The following SPTBN1 variants were observed in gnomAD, a reference collection of about 807,000 sequenced individuals.
SPTBN1 encodes spectrin beta chain, non-erythrocytic 1.
SPTBN1 carries 32 observed loss-of-function variants against 266.4 expected under a neutral mutation model. The ratio of observed to expected loss-of-function variants is 0.12; its 90% CI spans 0.09 to 0.16. The LOEUF (loss-of-function observed/expected upper bound fraction) is 0.16, where lower values mean the gene tolerates loss of function less well. Among genes scored for constraint, SPTBN1 ranks in the 10% least tolerant of loss-of-function variants. SPTBN1 has a pLI of 1.00. For missense variants in SPTBN1, 2,296 were observed against 3,067.1 expected, an observed-to-expected ratio of 0.75 and a Z score of 5.94; for synonymous variants, 1,336 against 1,162.2, an observed-to-expected ratio of 1.15 and a Z score of -3.04.
At chr2:54,575,473 A>AT (rs1259859982) in intron 2 of SPTBN1, among the ~76,000 whole-genome samples, 2 of 152,274 alleles carry the variant, frequency 1.3e-5, no homozygotes. Context: ...ATGCATCTGC[A>AT]TATCTCGAAG....
rs149141003 is a variant in SPTBN1, at chr2:54,557,811, T to G, written c.148+31245T>G. On this transcript the variant is annotated intron_variant, in intron 2 of 35. Transcript: ENST00000356805. The stretch of plus-strand genomic sequence containing the variant: ...TGGCAGCGTAAGTCAGCCGAGATTC[T>G]TCACTGAGCCCGAACTTACACCTCC... The G allele has an allele frequency of 5.1e-5, 50 of 985,408 alleles. No homozygotes were observed. In the East Asian group the frequency reaches 6.8e-4, roughly 13 times the overall value. 61.0% of individuals were successfully genotyped at this position (985,408 alleles called of 1,614,324 possible). A position where few individuals can be genotyped will look rare whatever the true frequency, so the allele number is the denominator to read the frequency against.
intron 17 of SPTBN1, 126 bp downstream of exon 17, chr2:54,632,894 C>T: frequency 9.9e-7 from 1 of 1,011,546 alleles, no homozygotes; most frequent in South Asian, 1.7e-5. Flanking sequence ...GGGTGCCCAG[C>T]AGAAGTTCAT....
chr2:54,657,757 C>T (rs1403778577), intron 29 of SPTBN1, 93 bp from the exon 30 acceptor site: 1 of 1,460,474 alleles, frequency 6.8e-7, no homozygotes, highest in Non-Finnish European at 9.5e-7. Flanking sequence ...TGCAGGTAGC[C>T]ATCACCAGAG....
At chr2:54,580,125 A>G (rs1674784994) in intron 2 of SPTBN1, among the ~76,000 whole-genome samples, 1 of 152,238 alleles carries the variant, frequency 6.6e-6, no homozygotes, top group Non-Finnish European at 1.5e-5. Context: ...GCCAGCACTG[A>G]AAAAATTCAA....
intron 2 of SPTBN1, among the ~76,000 whole-genome samples, chr2:54,537,908 A>C (rs1167879970): frequency 1.3e-5 from 2 of 152,248 alleles, no homozygotes; most frequent in African/African-American, 4.8e-5. Context: ...TGTCTAGAGC[A>C]GTGAACTGGA....
intron 17 of SPTBN1, among the ~76,000 whole-genome samples, chr2:54,633,449 C>CTGTCTG (rs2103957719): frequency 6.6e-6 from 1 of 151,910 alleles, no homozygotes; most frequent in African/African-American, 2.4e-5. Flanking sequence ...GTCTGTCTGT[C>CTGTCTG]TGAAAGATTT....
chr2:54,655,037 C>G, intron 27 of SPTBN1, 33 bp from the exon 28 acceptor site: 1 of 1,578,256 alleles, frequency 6.3e-7, no homozygotes, highest in Non-Finnish European at 8.6e-7. Context: ...AAAGCTTGAT[C>G]TCCTAACGGA....
chr2:54,645,340 C>G lies in SPTBN1; in HGVS notation c.4381C>G (p.Leu1461Val), dbSNP rs1572743871. 6.2e-7 allele frequency: 1 copy of G among 1,614,178 alleles called. No homozygotes were observed. Reference sequence around the variant, plus strand: ...CACCGACGAGGTAGACAGCAAGCGCCTCACCGTGCAGACCAAGTTCATGGA... The same window carrying G: ...CACCGACGAGGTAGACAGCAAGCGCGTCACCGTGCAGACCAAGTTCATGGA... ...KSTDEVDSKRLTVQTKFMELL... is the reference protein window; with the variant it reads ...KSTDEVDSKRVTVQTKFMELL... The change falls in exon 21 of 36, where the codon CTC becomes GTC. Residue 1461 changes from leucine (L) to valine (V), a missense_variant. Leu to Val is a conservative substitution (Grantham distance 32). Around this residue, in one of 12 missense-constraint regions of SPTBN1, gnomAD observed 386 missense variants for 486.1 expected, o/e 0.79. Transcript: ENST00000356805. The surrounding 1 kb of genome is among the most constrained non-coding windows in gnomAD (Gnocchi z 4.3).
At chr2:54,463,295 C>G (rs1317112027) in intron 1 of SPTBN1, among the ~76,000 whole-genome samples, 1 of 152,172 alleles carries the variant, frequency 6.6e-6, no homozygotes, top group African/African-American at 2.4e-5. Flanking sequence ...TGACAATGAG[C>G]ATGTTTGGTG....
Position 54,558,050 on chromosome 2 carries a change from G to C in SPTBN1, c.148+31484G>C. 7 of 985,438 alleles carry C rather than the reference G, an allele frequency of 7.1e-6. No homozygotes were observed. Among genetic ancestry groups the C allele is most frequent in the Non-Finnish European group, 8.4e-6 (7 of 829,926 alleles). The allele number at this position is 985,438 out of a possible 1,614,324, so 61.0% of individuals were successfully genotyped here. On this transcript the variant is annotated intron_variant, in intron 2 of 35. Transcript: ENST00000356805. This position sits in a 1 kb window ranked among gnomAD's most constrained non-coding sequence, Gnocchi z 4.6. ...TCTTCACTCTCCAGGCCGTCCCGTG[G>C]GCGCGCTAGCCTTTTCAAGTGATAG... is the stretch of plus-strand genomic sequence containing the variant.
Position 54,668,424 on chromosome 2 carries a change from C to G in SPTBN1, c.6950C>G (p.Thr2317Ser). The G allele has an allele frequency of 6.2e-7, 1 of 1,614,186 alleles. No homozygotes were observed. ...SSDKHEVSAS[T>S]QSTPASSRAQ... ...GATAAACACGAGGTGTCTGCCAGCA[C>G]CCAGAGCACGCCAGCATCCAGCCGC... Residue 2317 changes from threonine (T) to serine (S), a missense_variant, in exon 36 of 36, where the codon ACC becomes AGC. Transcript: ENST00000356805.
In SPTBN1 at chr2:54,645,840, G is replaced by T; in HGVS notation, c.4495-88G>T. On this transcript the variant is annotated intron_variant, in intron 21 of 35. Transcript: ENST00000356805. This position sits in a 1 kb window ranked among gnomAD's most constrained non-coding sequence, Gnocchi z 4.3. ...TGAGCACTCTCTGAAGCTCACCCTT[G>T]CTGTCCCTCACTGCCCCTCACTGCT... 1 of 1,423,756 alleles carries T rather than the reference G, an allele frequency of 7.0e-7. No homozygotes were observed. Among genetic ancestry groups the T allele is most frequent in the East Asian group, 2.3e-5 (1 of 43,522 alleles). The allele number at this position is 1,423,756 out of a possible 1,614,324, so 88.2% of individuals were successfully genotyped here.
intron 1 of SPTBN1, among the ~76,000 whole-genome samples, chr2:54,523,395 C>T (rs1670603405): frequency 6.6e-6 from 1 of 152,170 alleles, no homozygotes; most frequent in South Asian, 2.1e-4. Context: ...GTTTGAGTCA[C>T]AGATGTTGTG....
At chr2:54,604,722 T>A (rs906634042) in intron 3 of SPTBN1, among the ~76,000 whole-genome samples, 1 of 152,056 alleles carries the variant, frequency 6.6e-6, no homozygotes, top group Admixed American at 6.6e-5. Flanking sequence ...GATGGAGATA[T>A]GGCTGGTAAA....
intron 1 of SPTBN1, among the ~76,000 whole-genome samples, chr2:54,473,538 A>G (rs1056572865): frequency 6.6e-6 from 1 of 151,878 alleles, no homozygotes; most frequent in Admixed American, 6.6e-5. Flanking sequence ...ACACATACAC[A>G]CACATCCTTG....
intron 1 of SPTBN1, among the ~76,000 whole-genome samples, chr2:54,525,702 C>G (rs560752809): frequency 2.0e-5 from 3 of 152,212 alleles, no homozygotes. Flanking sequence ...AGAAGCCCCA[C>G]GTAGGTGTTG....
chr2:54,668,932 C>T lies in SPTBN1; in HGVS notation c.*363C>T, dbSNP rs1414127073. On this transcript the variant is annotated 3_prime_UTR_variant, in exon 36 of 36. Coordinates refer to ENST00000356805, the MANE Select transcript of SPTBN1 (RefSeq NM_003128.3). Reference sequence around the variant, plus strand: ...CTTAATCAATATTTCCTGTGCTCACCAGAGGCAAAATGTACCAATATCCTG... The same window carrying T: ...CTTAATCAATATTTCCTGTGCTCACTAGAGGCAAAATGTACCAATATCCTG... 1 of 243,314 alleles carries T rather than the reference C, an allele frequency of 4.1e-6. No individual in the cohort carries two copies. The highest frequency in any genetic ancestry group is 8.1e-6 in the Non-Finnish European group (1 of 122,928). 15.1% of individuals were successfully genotyped at this position (243,314 alleles called of 1,614,324 possible). A position where few individuals can be genotyped will look rare whatever the true frequency, so the allele number is the denominator to read the frequency against.
chr2:54,581,708 C>G (rs12713268), intron 2 of SPTBN1, among the ~76,000 whole-genome samples: 51,340 of 149,962 alleles, frequency 0.34, 11,170 homozygotes, highest in African/African-American at 0.63. Context: ...GCCTTTTTCT[C>G]TTGTCATTAC....
At chr2:54,652,099 C>A (rs1680337801) in intron 26 of SPTBN1, among the ~76,000 whole-genome samples, 1 of 152,094 alleles carries the variant, frequency 6.6e-6, no homozygotes, top group Non-Finnish European at 1.5e-5. Context: ...CTGCGGACTT[C>A]TTTGATCACG....
Sources: allele counts gnomAD v4.1 joint callset (sites outside exome capture counted in the v4.1 genomes callset), GRCh38; gene constraint gnomAD v4.1.1; regional missense constraint gnomAD v4.1.1; non-coding constraint Gnocchi (gnomAD v3.1); transcripts MANE v1.5; gene names NCBI Gene and HGNC (gene_info 2026-07-23, HGNC 2026-07-21).